The following SSUH2 variants were observed in gnomAD, a reference collection of about 807,000 sequenced individuals.
SSUH2 encodes the protein ssu-2 homolog.
A neutral mutation model predicts 55.3 loss-of-function variants in SSUH2; 47 were observed. The ratio of observed to expected loss-of-function variants is 0.85; its 90% CI spans 0.67 to 1.08. The LOEUF (loss-of-function observed/expected upper bound fraction) is 1.08, where lower values mean the gene tolerates loss of function less well. SSUH2 is among the 50% of genes least tolerant of loss of function. The pLI, the probability that SSUH2 is intolerant of heterozygous loss-of-function variation, is 0.00. For synonymous variants in SSUH2, 212 were observed against 191.5 expected (o/e 1.11, Z -0.89); for missense variants, 535 against 490.7 (o/e 1.09, Z -0.85).
chr3:8,674,913 G>A (rs563405668), intron 3 of SSUH2, among the ~76,000 whole-genome samples: 12 of 152,206 alleles, frequency 7.9e-5, no homozygotes, highest in Non-Finnish European at 1.3e-4. Context: ...TTAAGACTGC[G>A]GCCCAGCCGG....
intron 6 of SSUH2, among the ~76,000 whole-genome samples, chr3:8,663,546 T>A (rs1375391016): frequency 8.8e-6 from 1 of 113,272 alleles, no homozygotes; most frequent in East Asian, 2.8e-4. Flanking sequence ...CGGGGTCAGG[T>A]GGGGGCCACA....
intron 6 of SSUH2, among the ~76,000 whole-genome samples, chr3:8,661,238 C>T (rs1183911907): frequency 6.6e-6 from 1 of 152,252 alleles, no homozygotes; most frequent in Non-Finnish European, 1.5e-5. Flanking sequence ...ACTCTGTTCC[C>T]TCTGCCTAGA....
At chr3:8,673,224 T>C (rs1271303211) in intron 3 of SSUH2, among the ~76,000 whole-genome samples, 2 of 152,140 alleles carry the variant, frequency 1.3e-5, no homozygotes, top group Non-Finnish European at 2.9e-5. Context: ...TTAGTATAAC[T>C]CTTTAATATG....
At chr3:8,677,271 C>T (rs1305272645) in exon 3 of SSUH2, 2 of 151,698 alleles carry the variant, frequency 1.3e-5, no homozygotes, top group Non-Finnish European at 2.9e-5. Context: ...AGGTACCTTA[C>T]TTGGGATTTA....
chr3:8,620,102 G>T, intron 11 of SSUH2, 88 bp from the exon 12 acceptor site: 1 of 1,466,800 alleles, frequency 6.8e-7, no homozygotes, highest in Non-Finnish European at 9.3e-7. Flanking sequence ...CCTACTGTGT[G>T]TGGTATGAAA....
chr3:8,622,074 C>G (rs1696565204), intron 11 of SSUH2, among the ~76,000 whole-genome samples: 1 of 152,144 alleles, frequency 6.6e-6, no homozygotes, highest in Admixed American at 6.5e-5. Context: ...TGAGCCCCTG[C>G]AATAAGCAGA....
At chr3:8,623,473 C>CG in intron 11 of SSUH2, 76 bp downstream of exon 11, 7 of 923,748 alleles carry the variant, frequency 7.6e-6, no homozygotes, top group Non-Finnish European at 1.2e-5. Flanking sequence ...CCTTCCGCTC[C>CG]GACGTTCTCA....
chr3:8,679,669 AC>A, intron 2 of SSUH2: 1 of 203,622 alleles, frequency 4.9e-6, no homozygotes, highest in Non-Finnish European at 8.6e-6. Context: ...CTGGCTTAGG[AC>A]CCCCATCGCG....
intron 3 of SSUH2, chr3:8,634,363 G>A (rs1431419712): frequency 3.1e-6 from 4 of 1,288,310 alleles, no homozygotes; most frequent in East Asian, 5.5e-5. Flanking sequence ...CCTCCTCCTG[G>A]AAGTCCCTTC....
intron 6 of SSUH2, chr3:8,659,752 A>C (rs1489355788): frequency 2.0e-5 from 9 of 456,178 alleles, no homozygotes; most frequent in Non-Finnish European, 4.0e-5. Context: ...CATTCATTCA[A>C]TGGGTATTTA....
intron 5 of SSUH2, among the ~76,000 whole-genome samples, chr3:8,670,633 A>T (rs770596438): frequency 1.2e-4 from 19 of 152,050 alleles, no homozygotes; most frequent in Admixed American, 5.9e-4. Flanking sequence ...TGACATTAGG[A>T]GTAACACCCC....
At chr3:8,628,733 G>T (rs926846930) in intron 7 of SSUH2, among the ~76,000 whole-genome samples, 1 of 152,232 alleles carries the variant, frequency 6.6e-6, no homozygotes, top group Non-Finnish European at 1.5e-5. Flanking sequence ...CAGAAGCTGG[G>T]GGAGAGGAAG....
At chr3:8,629,765 G>C (rs1472267249) in intron 6 of SSUH2, 39 bp from the exon 7 acceptor site, 1 of 1,602,018 alleles carries the variant, frequency 6.2e-7, no homozygotes, top group East Asian at 2.2e-5. Context: ...AGTTTCCCAA[G>C]GGCCACTTCT....
At chr3:8,635,218 T>C in intron 3 of SSUH2, 82 bp downstream of exon 3, 1 of 1,215,564 alleles carries the variant, frequency 8.2e-7, no homozygotes, top group East Asian at 2.6e-5. Context: ...GGGATCCTGA[T>C]GCACTGCCAG....
chr3:8,659,170 C>T (rs929954677), intron 6 of SSUH2, among the ~76,000 whole-genome samples: 1 of 152,176 alleles, frequency 6.6e-6, no homozygotes, highest in African/African-American at 2.4e-5. Flanking sequence ...CTAAAGAAAA[C>T]ATGGATGTTT....
chr3:8,631,085 G>T (rs958241940), intron 5 of SSUH2, among the ~76,000 whole-genome samples, 156 bp from the exon 6 acceptor site: 1 of 152,206 alleles, frequency 6.6e-6, no homozygotes, highest in African/African-American at 2.4e-5. Flanking sequence ...CTTGGAGGCA[G>T]TGACTAAGCA....
At chr3:8,637,654 C>T (rs980878559) in intron 1 of SSUH2, among the ~76,000 whole-genome samples, 3 of 152,198 alleles carry the variant, frequency 2.0e-5, no homozygotes, top group Non-Finnish European at 4.4e-5. Flanking sequence ...ACTGTTCCTA[C>T]AACCCCTCAC....
chr3:8,623,501 G>T (rs1304719703), intron 11 of SSUH2, 48 bp downstream of exon 11: 2 of 1,127,644 alleles, frequency 1.8e-6, no homozygotes, highest in Non-Finnish European at 2.6e-6. Context: ...GGGCTCAGCA[G>T]CCCAGGAAGA....
At chr3:8,670,182 C>T (rs982442991) in intron 5 of SSUH2, among the ~76,000 whole-genome samples, 12 of 151,988 alleles carry the variant, frequency 7.9e-5, no homozygotes, top group Admixed American at 4.6e-4. Flanking sequence ...TACAACTGGC[C>T]CTGAGAGAGC....
Sources: allele counts gnomAD v4.1 joint callset (sites outside exome capture counted in the v4.1 genomes callset), GRCh38; gene constraint gnomAD v4.1.1; transcripts MANE v1.5; gene names NCBI Gene and HGNC (gene_info 2026-07-23, HGNC 2026-07-21).